Variants in RABIF observed in about 807,000 individuals in gnomAD.
RABIF encodes guanine nucleotide exchange factor MSS4.
In RABIF, 13 loss-of-function variants were observed where a neutral mutation model predicts 12.3. The observed-to-expected ratio is 1.06, with a 90% CI of 0.69 to 1.68. The LOEUF (loss-of-function observed/expected upper bound fraction) is 1.68, where lower values mean the gene tolerates loss of function less well. Among genes scored for constraint, RABIF ranks in the 40% most tolerant of loss-of-function variants. RABIF has a pLI of 0.00. For synonymous variants in RABIF, 70 were observed against 63.3 expected (o/e 1.11, Z -0.50); for missense variants, 153 against 158.0 (o/e 0.97, Z 0.17).
At position 202,889,090 on chromosome 1, in the gene RABIF, T is replaced by G; in HGVS notation, c.9A>C (p.Pro3=). The G allele has an allele frequency of 6.2e-7, 1 of 1,605,110 alleles. No homozygotes were observed. The highest frequency in any genetic ancestry group is 8.5e-7 in the Non-Finnish European group (1 of 1,176,296). The change falls in exon 1 of 2, where the codon CCA becomes CCC. Residue 3 remains proline, a synonymous_variant. Transcript: ENST00000367262. ...ACACTAACTCGCTCGGCTGCTCCGC[T>G]GGTTCCATCGCCGCTGCCGCCACAG... is the stretch of plus-strand genomic sequence containing the variant. ME[P]AEQPSELVSA...
chr1:202,884,014 G>C (rs1186980067), intron 1 of RABIF, among the ~76,000 whole-genome samples: 1 of 152,106 alleles, frequency 6.6e-6, no homozygotes, highest in East Asian at 1.9e-4. Context: ...TAGACTACTG[G>C]GGATGGCAAC....
rs10920514 is a variant in RABIF at position 202,878,801 on chromosome 1, T to C, written c.*2177A>G. On this transcript the variant is annotated 3_prime_UTR_variant, in exon 2 of 2. Coordinates refer to ENST00000367262, the MANE Select transcript of RABIF (RefSeq NM_002871.5). Reference sequence around the variant, plus strand: ...GATTCACAAGTATGTACTGAGAGCCTATTAGGTGTGAGGGAAATGAAGAAA... The same window carrying C: ...GATTCACAAGTATGTACTGAGAGCCCATTAGGTGTGAGGGAAATGAAGAAA... Among the ~76,000 whole-genome samples, 6,874 of 152,302 alleles carry C rather than the reference T, an allele frequency of 0.045. 219 individuals carry two copies. The highest frequency in any genetic ancestry group is 0.12 in the South Asian group (560 of 4,820).
rs756261138 is a variant in RABIF, at chr1:202,878,555, A to T, written c.*2423T>A. Among the ~76,000 whole-genome samples the T allele has an allele frequency of 1.3e-5, 2 of 152,246 alleles. No individual in the cohort carries two copies. The highest frequency in any genetic ancestry group is 2.9e-5 in the Non-Finnish European group (2 of 68,046). On this transcript the variant is annotated 3_prime_UTR_variant, in exon 2 of 2. Coordinates refer to ENST00000367262, the MANE Select transcript of RABIF (RefSeq NM_002871.5). ...GAAGCAGAAGTCCTCATAGTTACTC[A>T]GTTACATGTGTAGCCTCATATACAA... is the stretch of plus-strand genomic sequence containing the variant.
chr1:202,880,657 A>C lies in RABIF; in HGVS notation c.*321T>G, dbSNP rs1460319667. ...AATACTGCTCTTCTAGAGCAAGAAA[A>C]AGCGGGAGCCCCTGGGCAAAACAGA... On this transcript the variant is annotated 3_prime_UTR_variant, in exon 2 of 2. Transcript: ENST00000367262. 2 of 1,029,028 alleles carry C rather than the reference A, an allele frequency of 1.9e-6. No individual in the cohort carries two copies. Among genetic ancestry groups the C allele is most frequent in the East Asian group, 1.3e-4 (2 of 15,348 alleles). The allele number at this position is 1,029,028 out of a possible 1,614,324, so 63.7% of individuals were successfully genotyped here.
Position 202,880,106 on chromosome 1 carries a change from C to T in RABIF, c.*872G>A, listed in dbSNP as rs149523605. The T allele has an allele frequency of 6.6e-6, 1 of 152,292 alleles. No homozygotes were observed. Among genetic ancestry groups the T allele is most frequent in the East Asian group, 1.9e-4 (1 of 5,188 alleles). The allele number at this position is 152,292 out of a possible 1,614,324, so 9.4% of individuals were successfully genotyped here. A position where few individuals can be genotyped will look rare whatever the true frequency, so the allele number is the denominator to read the frequency against. ...CCATTAAAGAAGTCTTGCCTATGAACAAAAGAAGAAAGTTACTTGTCCAGA... is the reference window on the plus strand; with the variant it reads ...CCATTAAAGAAGTCTTGCCTATGAATAAAAGAAGAAAGTTACTTGTCCAGA... On this transcript the variant is annotated 3_prime_UTR_variant, in exon 2 of 2. Coordinates refer to ENST00000367262, the MANE Select transcript of RABIF (RefSeq NM_002871.5).
At chr1:202,888,814 G>A (rs189874337) in intron 1 of RABIF, among the ~76,000 whole-genome samples, 159 bp downstream of exon 1, 243 of 152,380 alleles carry the variant, frequency 1.6e-3, no homozygotes, top group African/African-American at 5.4e-3. Flanking sequence ...GCGGCCCCAG[G>A]GGCGGAGCCT....
intron 1 of RABIF, among the ~76,000 whole-genome samples, chr1:202,883,242 G>A (rs1371257849): frequency 1.3e-5 from 2 of 152,070 alleles, no homozygotes; most frequent in Admixed American, 6.6e-5. Flanking sequence ...ACATTGCCCA[G>A]GCTGGGTTTG....
At chr1:202,885,205 T>C (rs1409370647) in intron 1 of RABIF, among the ~76,000 whole-genome samples, 1 of 152,038 alleles carries the variant, frequency 6.6e-6, no homozygotes. Flanking sequence ...ACTAAAAATG[T>C]CTCCAGATAT....
chr1:202,888,671 C>T (rs1445898108), intron 1 of RABIF, among the ~76,000 whole-genome samples: 1 of 152,152 alleles, frequency 6.6e-6, no homozygotes, highest in Non-Finnish European at 1.5e-5. Flanking sequence ...CCTTGGACGG[C>T]GGCGGGGCGC....
chr1:202,880,548 T>C lies in RABIF; in HGVS notation c.*430A>G, dbSNP rs1659472843. ...ACAAAGTCACTCTCAGATATTTGTATGCCTTCTTGAATGAGAAAAAGGCAG... is the reference window on the plus strand; with the variant it reads ...ACAAAGTCACTCTCAGATATTTGTACGCCTTCTTGAATGAGAAAAAGGCAG... On this transcript the variant is annotated 3_prime_UTR_variant, in exon 2 of 2. Transcript: ENST00000367262. 3.4e-6 allele frequency: 1 copy of C among 293,080 alleles called. No homozygotes were observed. The highest frequency in any genetic ancestry group is 2.3e-5 in the African/African-American group (1 of 43,992). The allele number at this position is 293,080 out of a possible 1,614,324, so 18.2% of individuals were successfully genotyped here. A position where few individuals can be genotyped will look rare whatever the true frequency, so the allele number is the denominator to read the frequency against.
intron 1 of RABIF, among the ~76,000 whole-genome samples, chr1:202,881,717 G>A (rs1203382217): frequency 3.3e-5 from 5 of 152,222 alleles, no homozygotes; most frequent in Admixed American, 2.6e-4. Context: ...AAATGAAAGA[G>A]GGGCACCAGC....
Position 202,883,068 on chromosome 1 carries a change from T to C in RABIF, c.127-1845A>G, listed in dbSNP as rs537514937. ...GTTGCTTTAATTTCTTCAATATGGA[T>C]AGTGTATACACTCTTAGCTGTCCCA... On this transcript the variant is annotated intron_variant, in intron 1 of 1. Transcript: ENST00000367262. Among the ~76,000 whole-genome samples, 27 of 152,334 alleles carry C rather than the reference T, an allele frequency of 1.8e-4. 1 individual carries two copies. In the South Asian group the frequency reaches 5.6e-3, roughly 32 times the overall value.
intron 1 of RABIF, among the ~76,000 whole-genome samples, chr1:202,887,338 AAAAATTTTTTTTTTTGC>A (rs1324450917): frequency 8.2e-6 from 1 of 121,666 alleles, no homozygotes; most frequent in East Asian, 2.1e-4. Flanking sequence ...AAACATTATG[AAAAATTTTTTTTTTTGC>A]AATTTTTTTT....
intron 1 of RABIF, among the ~76,000 whole-genome samples, chr1:202,888,705 CG>C (rs1557980586): frequency 6.6e-6 from 1 of 152,116 alleles, no homozygotes; most frequent in Non-Finnish European, 1.5e-5. Context: ...GAAGCCCCCC[CG>C]GGGGCAGAGG....
At chr1:202,881,249 C>T (rs753090364) in intron 1 of RABIF, 26 bp from the exon 2 acceptor site, 58 of 1,598,276 alleles carry the variant, frequency 3.6e-5, no homozygotes, top group Admixed American at 6.8e-5. Flanking sequence ...ACATAAAGAA[C>T]GCAGAAGTTG....
chr1:202,885,109 A>AAAAAG, intron 1 of RABIF, among the ~76,000 whole-genome samples: 1 of 151,352 alleles, frequency 6.6e-6, no homozygotes, highest in Non-Finnish European at 1.5e-5. Context: ...AAAAAAAAAA[A>AAAAAG]AAAAGAAAAG....
At chr1:202,887,498 CTTTT>C (rs34615240) in intron 1 of RABIF, among the ~76,000 whole-genome samples, 2 of 126,650 alleles carry the variant, frequency 1.6e-5, no homozygotes. Flanking sequence ...GGTTAAATAA[CTTTT>C]TTTTTTTTTT....
intron 1 of RABIF, among the ~76,000 whole-genome samples, chr1:202,887,029 GTTTTTTTTTT>G: frequency 3.8e-5 from 1 of 26,218 alleles, no homozygotes; most frequent in East Asian, 7.4e-4. Context: ...GCTATGTTTT[GTTTTTTTTTT>G]TTTTTTTTAA....
chr1:202,885,517 T>C (rs1422299979), intron 1 of RABIF, among the ~76,000 whole-genome samples: 5 of 152,236 alleles, frequency 3.3e-5, no homozygotes, highest in African/African-American at 7.2e-5. Context: ...CCTGCTGTAA[T>C]TGCCCTAATG....
Sources: gnomAD v4.1 joint callset for allele counts (sites outside exome capture counted in the v4.1 genomes callset) on GRCh38, gnomAD v4.1.1 for gene constraint, MANE v1.5 for transcripts, NCBI Gene and HGNC (gene_info 2026-07-23, HGNC 2026-07-21) for gene names.